The following PAPPA2 variants were observed in gnomAD, a reference collection of about 807,000 sequenced individuals.
PAPPA2 encodes the protein pappalysin 2, also known as pappalysin-2.
A neutral mutation model predicts 176.4 loss-of-function variants in PAPPA2; 86 were observed. That is an observed-to-expected ratio of 0.49 (90% confidence interval 0.41 to 0.58). PAPPA2 has a LOEUF of 0.58. Among genes scored for constraint, PAPPA2 ranks in the 20% least tolerant of loss-of-function variants. The pLI, the probability that PAPPA2 is intolerant of heterozygous loss-of-function variation, is 0.00. For missense variants in PAPPA2, 2,073 were observed against 2,256.9 expected, an observed-to-expected ratio of 0.92 and a Z score of 1.65; for synonymous variants, 809 against 852.2, an observed-to-expected ratio of 0.95 and a Z score of 0.88.
chr1:176,525,091 CTT>C (rs1475826186), intron 1 of PAPPA2, among the ~76,000 whole-genome samples: 2 of 152,102 alleles, frequency 1.3e-5, no homozygotes, highest in African/African-American at 4.8e-5. Context: ...ATACAGGACA[CTT>C]TAAGGAAGCA....
At chr1:176,507,779 C>A (rs901145231) in intron 1 of PAPPA2, among the ~76,000 whole-genome samples, 2 of 149,842 alleles carry the variant, frequency 1.3e-5, no homozygotes, top group African/African-American at 4.9e-5. Flanking sequence ...TTGTGGACTA[C>A]TAGAGGAGGG....
intron 4 of PAPPA2, among the ~76,000 whole-genome samples, chr1:176,680,559 C>T (rs1659535583): frequency 6.6e-6 from 1 of 152,100 alleles, no homozygotes; most frequent in Non-Finnish European, 1.5e-5. Context: ...ACCCATTTCC[C>T]CTAACGGTAG....
chr1:176,829,745 A>G (rs1667013556), intron 21 of PAPPA2, among the ~76,000 whole-genome samples: 1 of 152,202 alleles, frequency 6.6e-6, no homozygotes, highest in East Asian at 1.9e-4. Context: ...CCATCCAGAC[A>G]GAGCATGTAC....
chr1:176,492,100 G>A (rs1647321303), intron 1 of PAPPA2, among the ~76,000 whole-genome samples: 1 of 152,196 alleles, frequency 6.6e-6, no homozygotes. Flanking sequence ...AAGATGTGAG[G>A]ATTTGCCAAT....
At chr1:176,832,201 C>T (rs1667105896) in intron 21 of PAPPA2, among the ~76,000 whole-genome samples, 2 of 152,130 alleles carry the variant, frequency 1.3e-5, no homozygotes, top group South Asian at 4.2e-4. Flanking sequence ...CCTCCATTTG[C>T]TCATTTATTC....
chr1:176,706,562 GATGTGTCCCTTGTATGCCAGGCATGA>G, intron 10 of PAPPA2, 112 bp downstream of exon 10: 1 of 862,486 alleles, frequency 1.2e-6, no homozygotes, highest in Non-Finnish European at 1.8e-6. Flanking sequence ...AATAACCTCT[GATGTGTCCCTTGTATGCCAGGCATGA>G]ATTGTTTCAC....
At chr1:176,814,682 T>G (rs1231761229) in intron 21 of PAPPA2, among the ~76,000 whole-genome samples, 1 of 152,170 alleles carries the variant, frequency 6.6e-6, no homozygotes, top group African/African-American at 2.4e-5. Context: ...AGAACCTTTT[T>G]GCTGAGACAA....
At chr1:176,572,737 A>G (rs190278418) in intron 2 of PAPPA2, among the ~76,000 whole-genome samples, 1 of 152,338 alleles carries the variant, frequency 6.6e-6, no homozygotes, top group East Asian at 1.9e-4. Flanking sequence ...AAAGTCATAC[A>G]ATGTTTCACT....
chr1:176,630,998 A>T (rs1656305622), intron 3 of PAPPA2, among the ~76,000 whole-genome samples: 2 of 152,226 alleles, frequency 1.3e-5, no homozygotes, highest in Non-Finnish European at 2.9e-5. Context: ...GGATGAATTC[A>T]TTCAGGGAAA....
At chr1:176,768,618 T>G (rs997494002) in intron 15 of PAPPA2, among the ~76,000 whole-genome samples, 1 of 152,220 alleles carries the variant, frequency 6.6e-6, no homozygotes, top group African/African-American at 2.4e-5. Flanking sequence ...CACATGTTTT[T>G]GAACCGTTGT....
chr1:176,718,813 A>G (rs577505683), intron 12 of PAPPA2, among the ~76,000 whole-genome samples: 5 of 152,002 alleles, frequency 3.3e-5, no homozygotes, highest in Non-Finnish European at 5.9e-5. Context: ...TCTATGGTCA[A>G]TATTGGTAAG....
In PAPPA2 at chr1:176,556,195, T is replaced by C; in HGVS notation, c.-128T>C. ...CTTGGGGCTATTTGAAAAAGTTTGG[T>C]CTGTGAACAAAACAGTTTCCCTGGT... On this transcript the variant is annotated 5_prime_UTR_variant, in exon 2 of 23. Transcript: ENST00000367662. The C allele has an allele frequency of 8.8e-7, 1 of 1,140,838 alleles. No homozygotes were observed. 70.7% of individuals were successfully genotyped at this position (1,140,838 alleles called of 1,614,324 possible). A position where few individuals can be genotyped will look rare whatever the true frequency, so the allele number is the denominator to read the frequency against.
intron 2 of PAPPA2, among the ~76,000 whole-genome samples, chr1:176,560,977 GCCCTGT>G (rs919685603): frequency 2.2e-4 from 33 of 152,284 alleles, no homozygotes; most frequent in Admixed American, 6.5e-4. Context: ...GCACGGCAAG[GCCCTGT>G]GGGGAGCACA....
intron 21 of PAPPA2, among the ~76,000 whole-genome samples, chr1:176,803,853 T>C (rs1396123068): frequency 2.0e-5 from 3 of 152,162 alleles, no homozygotes; most frequent in Non-Finnish European, 4.4e-5. Context: ...TCTCTTCAAA[T>C]CTCTTTGTGC....
chr1:176,816,050 A>C (rs1666368757), intron 21 of PAPPA2, among the ~76,000 whole-genome samples: 1 of 150,358 alleles, frequency 6.7e-6, no homozygotes, highest in Non-Finnish European at 1.5e-5. Context: ...TATCTTATTT[A>C]GGAATAAAAT....
chr1:176,636,340 C>T (rs900741559), intron 3 of PAPPA2, among the ~76,000 whole-genome samples: 1 of 152,010 alleles, frequency 6.6e-6, no homozygotes, highest in Non-Finnish European at 1.5e-5. Flanking sequence ...TTTAAATAGC[C>T]AAGCCTGGAT....
chr1:176,670,076 G>GAT (rs1413516452), intron 3 of PAPPA2, among the ~76,000 whole-genome samples: 2 of 152,102 alleles, frequency 1.3e-5, no homozygotes, highest in East Asian at 3.9e-4. Flanking sequence ...ATTGAGCTCT[G>GAT]GTTTGGTTGT....
chr1:176,833,467 TA>T (rs1667154071), intron 21 of PAPPA2, among the ~76,000 whole-genome samples: 1 of 152,232 alleles, frequency 6.6e-6, no homozygotes, highest in African/African-American at 2.4e-5. Flanking sequence ...GATCACCTGT[TA>T]AAACCCAACC....
chr1:176,753,123 G>C (rs1663257156), intron 14 of PAPPA2, among the ~76,000 whole-genome samples: 1 of 152,180 alleles, frequency 6.6e-6, no homozygotes. Context: ...TCATTTAGGA[G>C]AGGTAGACTC....
Sources: gnomAD v4.1 joint callset for allele counts (sites outside exome capture counted in the v4.1 genomes callset) on GRCh38, gnomAD v4.1.1 for gene constraint, MANE v1.5 for transcripts, NCBI Gene and HGNC (gene_info 2026-07-23, HGNC 2026-07-21) for gene names.